CSMD1: variants seen among roughly 807,000 people sequenced by gnomAD.
CSMD1 encodes CUB and sushi domain-containing protein 1.
In CSMD1, 213 loss-of-function variants were observed where a neutral mutation model predicts 417.5. The ratio of observed to expected loss-of-function variants is 0.51; its 90% CI spans 0.46 to 0.57. The LOEUF (loss-of-function observed/expected upper bound fraction) is 0.57. Ranked by LOEUF, CSMD1 falls within the 20% of genes least tolerant of loss-of-function variation. CSMD1 has a pLI of 0.00. For missense variants in CSMD1, 6,923 were observed against 4,529.7 expected, an observed-to-expected ratio of 1.53 and a Z score of -15.17; for synonymous variants, 2,862 against 1,736.8, an observed-to-expected ratio of 1.65 and a Z score of -16.11.
At chr8:4,178,644 C>T (rs980865004) in intron 3 of CSMD1, among the ~76,000 whole-genome samples, 1 of 152,148 alleles carries the variant, frequency 6.6e-6, no homozygotes, top group South Asian at 2.1e-4. Context: ...TCAAATTGTC[C>T]CTTTTTGCAG....
chr8:4,269,102 G>T (rs936047783), intron 3 of CSMD1, among the ~76,000 whole-genome samples: 2 of 152,168 alleles, frequency 1.3e-5, no homozygotes, highest in African/African-American at 4.8e-5. Context: ...TGTCGCCCAG[G>T]CTGGAGTGCA....
intron 3 of CSMD1, among the ~76,000 whole-genome samples, chr8:4,078,175 G>C (rs915171702): frequency 5.3e-4 from 80 of 152,086 alleles, no homozygotes; most frequent in African/African-American, 1.9e-3. Flanking sequence ...AATTCAGTTT[G>C]CTATTTTCAA....
intron 7 of CSMD1, among the ~76,000 whole-genome samples, chr8:3,668,241 T>C (rs570929910): frequency 6.6e-6 from 1 of 152,116 alleles, no homozygotes; most frequent in African/African-American, 2.4e-5. Flanking sequence ...CACTGCTGGA[T>C]CTCATTCTGG....
intron 10 of CSMD1, among the ~76,000 whole-genome samples, chr8:3,544,285 G>C (rs1016827726): frequency 6.6e-6 from 1 of 152,090 alleles, no homozygotes; most frequent in Non-Finnish European, 1.5e-5. Context: ...TCTTAATTTT[G>C]CTTTAAAGAA....
intron 3 of CSMD1, among the ~76,000 whole-genome samples, chr8:4,403,962 A>G (rs1804835326): frequency 6.6e-6 from 1 of 152,192 alleles, no homozygotes; most frequent in African/African-American, 2.4e-5. Flanking sequence ...AACCTTTGGC[A>G]TCACCCCTAA....
intron 3 of CSMD1, among the ~76,000 whole-genome samples, chr8:4,392,739 G>A (rs1803931858): frequency 6.6e-6 from 1 of 151,768 alleles, no homozygotes; most frequent in Admixed American, 6.6e-5. Flanking sequence ...GGAGGCTGAG[G>A]CGGGCGGATC....
intron 1 of CSMD1, among the ~76,000 whole-genome samples, chr8:4,684,993 C>G (rs948863624): frequency 6.6e-6 from 1 of 152,126 alleles, no homozygotes; most frequent in Non-Finnish European, 1.5e-5. Flanking sequence ...AAAAAAGTGA[C>G]ACTAACATAG....
At chr8:3,011,659 T>C (rs1585146005) in intron 52 of CSMD1, among the ~76,000 whole-genome samples, 1 of 152,314 alleles carries the variant, frequency 6.6e-6, no homozygotes, top group East Asian at 1.9e-4. Context: ...TAATGTCCTC[T>C]ATGTGGGAAA....
At chr8:4,900,524 G>C (rs1015147729) in intron 1 of CSMD1, among the ~76,000 whole-genome samples, 1 of 152,098 alleles carries the variant, frequency 6.6e-6, no homozygotes, top group Non-Finnish European at 1.5e-5. Context: ...GCCAGTCTCT[G>C]ATTTCTACAC....
chr8:4,372,021 A>G (rs917682379), intron 3 of CSMD1, among the ~76,000 whole-genome samples: 2 of 152,174 alleles, frequency 1.3e-5, no homozygotes, highest in Admixed American at 6.5e-5. Context: ...GTTCAGCACG[A>G]TATAGCTACA....
At chr8:4,271,412 C>G (rs971570063) in intron 3 of CSMD1, among the ~76,000 whole-genome samples, 2 of 152,174 alleles carry the variant, frequency 1.3e-5, no homozygotes, top group African/African-American at 2.4e-5. Flanking sequence ...GCCTGATGCC[C>G]TGTTTGAAAT....
rs1255764034 is a variant in CSMD1 at position 2,965,950 on chromosome 8, T to A, written c.9105A>T (p.Ile3035=). 1 of 1,601,508 alleles carries A rather than the reference T, an allele frequency of 6.2e-7. No homozygotes were observed. The highest frequency in any genetic ancestry group is 1.3e-5 in the African/African-American group (1 of 74,736). Residue 3035 remains isoleucine (I), a synonymous_variant, in exon 59 of 70, where the codon ATA becomes ATT. Transcript: ENST00000635120. ...CTAGTGTGCCTGGATCCCCACAACTTATAACTAATAAACAGGGAACAGGAA... is the reference window on the plus strand; with the variant it reads ...CTAGTGTGCCTGGATCCCCACAACTAATAACTAATAAACAGGGAACAGGAA... The part of the protein sequence containing the change: ...WTGTAPDCTI[I]SCGDPGTLAN...
intron 7 of CSMD1, among the ~76,000 whole-genome samples, chr8:3,696,859 A>G (rs1046880363): frequency 2.0e-5 from 3 of 152,190 alleles, no homozygotes; most frequent in Non-Finnish European, 2.9e-5. Flanking sequence ...CCTTATTTCT[A>G]TATTAGTGTA....
At chr8:4,318,713 C>CAAAAA (rs33979970) in intron 3 of CSMD1, among the ~76,000 whole-genome samples, 1 of 143,528 alleles carries the variant, frequency 7.0e-6, no homozygotes. Context: ...TTTAAAATCT[C>CAAAAA]AAAAAAAAAA....
At chr8:4,726,316 A>T (rs1040981514) in intron 1 of CSMD1, among the ~76,000 whole-genome samples, 13 of 137,738 alleles carry the variant, frequency 9.4e-5, no homozygotes, top group African/African-American at 2.2e-4. Context: ...CGGGTTCTTT[A>T]AAAAAAAAAA....
intron 3 of CSMD1, among the ~76,000 whole-genome samples, chr8:4,270,186 G>A (rs1174620055): frequency 6.6e-6 from 1 of 152,198 alleles, no homozygotes; most frequent in Non-Finnish European, 1.5e-5. Context: ...TTAGAAAGGA[G>A]TTGACATAGC....
chr8:3,300,375 A>C (rs762501403), intron 25 of CSMD1, among the ~76,000 whole-genome samples: 47 of 151,782 alleles, frequency 3.1e-4, no homozygotes, highest in Non-Finnish European at 5.9e-4. Context: ...TTTTTTCTGC[A>C]GCACTTTATT....
At chr8:3,779,534 G>A (rs890919326) in intron 5 of CSMD1, among the ~76,000 whole-genome samples, 4 of 152,132 alleles carry the variant, frequency 2.6e-5, no homozygotes, top group South Asian at 2.1e-4. Flanking sequence ...TCTGCTAAAT[G>A]AGCCATGCAA....
At chr8:4,579,120 G>T (rs955957681) in intron 2 of CSMD1, among the ~76,000 whole-genome samples, 1 of 151,836 alleles carries the variant, frequency 6.6e-6, no homozygotes, top group African/African-American at 2.4e-5. Flanking sequence ...AAACATGCAG[G>T]AAGAGCAGTA....
Sources: allele counts gnomAD v4.1 joint callset (sites outside exome capture counted in the v4.1 genomes callset), GRCh38; gene constraint gnomAD v4.1.1; transcripts MANE v1.5; gene names NCBI Gene and HGNC (gene_info 2026-07-23, HGNC 2026-07-21).